The following SEC24A variants were observed in gnomAD, a reference collection of about 807,000 sequenced individuals.
SEC24A encodes the protein SEC24 homolog A, COPII component, also known as protein transport protein Sec24A.
A neutral mutation model predicts 129.4 loss-of-function variants in SEC24A; 93 were observed. The observed-to-expected ratio is 0.72, with a 90% CI of 0.61 to 0.85. SEC24A has a LOEUF of 0.85. Ranked by LOEUF, SEC24A falls within the 40% of genes least tolerant of loss-of-function variation. The pLI is 0.00. For synonymous variants in SEC24A, 460 were observed against 467.3 expected (o/e 0.98, Z 0.20); for missense variants, 1,264 against 1,307.4 (o/e 0.97, Z 0.51).
chr5:134,656,544 C>T (rs1460906374), intron 1 of SEC24A, among the ~76,000 whole-genome samples: 4 of 152,056 alleles, frequency 2.6e-5, no homozygotes, highest in African/African-American at 4.8e-5. Context: ...TGCAGTGGCA[C>T]GATATCCGCT....
At chr5:134,667,807 G>A (rs918936435) in intron 3 of SEC24A, among the ~76,000 whole-genome samples, 2 of 152,038 alleles carry the variant, frequency 1.3e-5, no homozygotes, top group Admixed American at 6.6e-5. Flanking sequence ...CCCCTCCCTG[G>A]AATCAATGTT....
intron 18 of SEC24A, among the ~76,000 whole-genome samples, chr5:134,711,293 T>C (rs1752318902): frequency 6.6e-6 from 1 of 151,740 alleles, no homozygotes; most frequent in Admixed American, 6.6e-5. Flanking sequence ...CAAGAATCTG[T>C]CTCTACTAAA....
intron 11 of SEC24A, among the ~76,000 whole-genome samples, chr5:134,690,960 C>T (rs1356781369): frequency 6.6e-6 from 1 of 151,864 alleles, no homozygotes; most frequent in Non-Finnish European, 1.5e-5. Flanking sequence ...AAGCGATTCT[C>T]ATGCCTCAGC....
chr5:134,694,842 A>T (rs1751770910), intron 13 of SEC24A, among the ~76,000 whole-genome samples: 1 of 151,714 alleles, frequency 6.6e-6, no homozygotes, highest in East Asian at 1.9e-4. Flanking sequence ...AAAAGAAAAG[A>T]AAAAGAGTAG....
At chr5:134,655,479 T>C (rs1561799381) in intron 1 of SEC24A, among the ~76,000 whole-genome samples, 1 of 151,948 alleles carries the variant, frequency 6.6e-6, no homozygotes, top group Non-Finnish European at 1.5e-5. Context: ...TGAAACCTTG[T>C]CTCTACTAAA....
Position 134,675,136 on chromosome 5 carries a change from G to GA in SEC24A, c.1073dup (p.Asn358LysfsTer17). 1.2e-6 allele frequency: 2 copies of GA among 1,613,752 alleles called. No individual in the cohort carries two copies. Among genetic ancestry groups the GA allele is most frequent in the Non-Finnish European group, 1.7e-6 (2 of 1,179,774 alleles). ...AGAGTTGTCAATCTTCTTCAAGAAA[G>GA]AAACATGCTTCCGTCAACACCTTTG... is the stretch of plus-strand genomic sequence containing the variant. On this transcript the variant is annotated frameshift_variant, in exon 6 of 23. Transcript: ENST00000398844. LOFTEE classifies it high-confidence loss of function.
At chr5:134,714,254 C>T (rs908223839) in intron 18 of SEC24A, among the ~76,000 whole-genome samples, 8 of 152,062 alleles carry the variant, frequency 5.3e-5, no homozygotes, top group Admixed American at 2.6e-4. Context: ...AGTCATCACC[C>T]AGCACTCATG....
At chr5:134,653,094 T>C (rs113161459) in intron 1 of SEC24A, among the ~76,000 whole-genome samples, 375 of 151,758 alleles carry the variant, frequency 2.5e-3, no homozygotes, top group African/African-American at 8.6e-3. Context: ...TATGAGCCAC[T>C]GTGCTCGGCC....
chr5:134,671,215 C>T (rs1320268105), intron 3 of SEC24A, among the ~76,000 whole-genome samples: 2 of 151,978 alleles, frequency 1.3e-5, no homozygotes, highest in Admixed American at 6.6e-5. Context: ...CGCGCCACCA[C>T]ACCCAGCTAA....
intron 16 of SEC24A, among the ~76,000 whole-genome samples, chr5:134,705,090 A>ATATATATTTT (rs1180461537): frequency 7.3e-5 from 9 of 123,302 alleles, no homozygotes; most frequent in African/African-American, 2.4e-4. Flanking sequence ...ATATATATAT[A>ATATATATTTT]TTTTTTTTTT....
Position 134,669,429 on chromosome 5 carries a change from G to C in SEC24A, c.740-2380G>C, listed in dbSNP as rs929971748. The stretch of plus-strand genomic sequence containing the variant: ...GATCCTCCTGCCTCACCCTCCCAAA[G>C]TGCTGGCATTACAGGCGTGAGCCAC... On this transcript the variant is annotated intron_variant, in intron 3 of 22. Coordinates refer to ENST00000398844, the MANE Select transcript of SEC24A (RefSeq NM_021982.3). Among the ~76,000 whole-genome samples the C allele has an allele frequency of 1.1e-4, 17 of 151,936 alleles. No homozygotes were observed. The East Asian group carries it at 2.9e-3, about 26-fold the overall frequency.
chr5:134,665,354 C>T (rs1169256118), intron 2 of SEC24A, among the ~76,000 whole-genome samples: 1 of 150,106 alleles, frequency 6.7e-6, no homozygotes. Context: ...CTGCCGGAGG[C>T]TGAGGCAGGA....
At chr5:134,679,527 G>A in intron 7 of SEC24A, 75 bp from the exon 8 acceptor site, 2 of 1,045,176 alleles carry the variant, frequency 1.9e-6, no homozygotes, top group South Asian at 3.2e-5. Flanking sequence ...TATTTAGACA[G>A]GATGGATTCA....
chr5:134,718,320 T>TAC, intron 20 of SEC24A, 147 bp downstream of exon 20: 1 of 536,812 alleles, frequency 1.9e-6, no homozygotes, highest in East Asian at 2.8e-5. Context: ...TAATGATGTG[T>TAC]AAGTCATGGC....
Position 134,661,233 on chromosome 5 carries a change from C to G in SEC24A, c.212C>G (p.Ser71Cys), listed in dbSNP as rs758278908. The change falls in exon 2 of 23, where the codon TCT becomes TGT. Residue 71 changes from serine to cysteine, a missense_variant. Ser to Cys is a moderately radical substitution (Grantham distance 112). Coordinates refer to ENST00000398844, the MANE Select transcript of SEC24A (RefSeq NM_021982.3). ...PIPAKTLNPV[S>C]GQSNYGGSQG... ...CCAGCAAAGACTTTGAATCCAGTCT[C>G]TGGACAGTCTAACTATGGTGGTTCT... is the stretch of plus-strand genomic sequence containing the variant. The G allele has an allele frequency of 1.9e-6, 3 of 1,614,150 alleles. No homozygotes were observed. The highest frequency in any genetic ancestry group is 2.5e-6 in the Non-Finnish European group (3 of 1,180,012).
At chr5:134,651,499 T>G (rs912394624) in intron 1 of SEC24A, among the ~76,000 whole-genome samples, 3 of 151,264 alleles carry the variant, frequency 2.0e-5, no homozygotes, top group Admixed American at 6.6e-5. Context: ...TTCACCATGT[T>G]GGCCAGGCTG....
At position 134,715,120 on chromosome 5, in the gene SEC24A, A is replaced by G; in HGVS notation, c.2824A>G (p.Thr942Ala). 1.2e-6 allele frequency: 2 copies of G among 1,609,742 alleles called. No homozygotes were observed. The highest frequency in any genetic ancestry group is 1.7e-6 in the Non-Finnish European group (2 of 1,179,046). The change falls in exon 19 of 23, where the codon ACT (threonine) becomes GCT (alanine). Residue 942 changes from threonine (T) to alanine (A), a missense_variant. Physicochemically the swap from Thr to Ala is moderately conservative, Grantham distance 58 (BLOSUM62 0). Coordinates refer to ENST00000398844, the MANE Select transcript of SEC24A (RefSeq NM_021982.3). Reference protein sequence around the residue: ...NQPLVYLMLTTHPSLYRVDNL... With the variant: ...NQPLVYLMLTAHPSLYRVDNL... ...GCCCTTGGTTTACCTTATGCTCACA[A>G]CTCATCCCAGTTTGTATAGAGTTGA... is the stretch of plus-strand genomic sequence containing the variant.
At chr5:134,698,765 T>G (rs949473721) in intron 15 of SEC24A, among the ~76,000 whole-genome samples, 1 of 151,304 alleles carries the variant, frequency 6.6e-6, no homozygotes, top group Non-Finnish European at 1.5e-5. Context: ...CCCGAGTAGC[T>G]GGGATTATAG....
chr5:134,718,101 T>A lies in SEC24A; in HGVS notation c.2898T>A (p.Pro966=). The change falls in exon 20 of 23, where the codon CCT becomes CCA. Residue 966 remains proline (P), a synonymous_variant. Coordinates refer to ENST00000398844, the MANE Select transcript of SEC24A (RefSeq NM_021982.3). ...TCAACATCAGTGATAGAACCATACC[T>A]CAGCCCCCCATTCTTCAGCTTTCAG... is the stretch of plus-strand genomic sequence containing the variant. ...GALNISDRTI[P]QPPILQLSVE... 1.2e-6 allele frequency: 2 copies of A among 1,614,120 alleles called. No individual in the cohort carries two copies. Among genetic ancestry groups the A allele is most frequent in the Non-Finnish European group, 1.7e-6 (2 of 1,180,002 alleles).
Sources: allele counts gnomAD v4.1 joint callset (sites outside exome capture counted in the v4.1 genomes callset), GRCh38; gene constraint gnomAD v4.1.1; transcripts MANE v1.5; gene names NCBI Gene and HGNC (gene_info 2026-07-23, HGNC 2026-07-21).